NPDC1: variants seen among roughly 807,000 people sequenced by gnomAD.
The protein encoded by NPDC1 is neural proliferation, differentiation and control 1, also known as neural proliferation differentiation and control protein 1.
A neutral mutation model predicts 32.5 loss-of-function variants in NPDC1; 18 were observed. That is an observed-to-expected ratio of 0.55 (90% CI 0.38 to 0.82). The LOEUF is 0.82. NPDC1 is among the 40% of genes least tolerant of loss of function. The pLI, the probability that NPDC1 is intolerant of heterozygous loss-of-function variation, is 0.00. For missense variants in NPDC1, 468 were observed against 406.6 expected (o/e 1.15, Z -1.30); for synonymous variants, 210 against 184.7 (o/e 1.14, Z -1.11).
Position 137,043,081 on chromosome 9 carries a change from G to A in NPDC1, c.113-8C>T, listed in dbSNP as rs1588549066. On this transcript the variant is annotated splice_polypyrimidine_tract_variant and splice_region_variant and intron_variant, in intron 1 of 8. Coordinates refer to ENST00000371601, the MANE Select transcript of NPDC1 (RefSeq NM_015392.4). Reference sequence around the variant, plus strand: ...CGGGACAGGCGGCTACATCTGGGAAGGAAGCAGAAGGCAGGGCCGGCTCAC... The same window carrying A: ...CGGGACAGGCGGCTACATCTGGGAAAGAAGCAGAAGGCAGGGCCGGCTCAC... 1 of 1,612,258 alleles carries A rather than the reference G, an allele frequency of 6.2e-7. No individual in the cohort carries two copies. Among genetic ancestry groups the A allele is most frequent in the Non-Finnish European group, 8.5e-7 (1 of 1,179,688 alleles).
At chr9:137,041,400 GC>G (rs1431742610) in intron 2 of NPDC1, among the ~76,000 whole-genome samples, 1 of 152,198 alleles carries the variant, frequency 6.6e-6, no homozygotes, top group Non-Finnish European at 1.5e-5. Context: ...AAGGGAGGAG[GC>G]GCTAGGGAAA....
In NPDC1 at chr9:137,041,158, C is replaced by A. The variant is rs945113603; in HGVS notation, c.289G>T (p.Asp97Tyr). The part of the protein sequence containing the change: ...GGGRPQPRLE[D>Y]EIDFLAQELA... ...TCCTGGGCCAGGAAGTCAATCTCAT[C>A]TTCCAGTCTGGGCTGGGGCCGGCCC... Residue 97 changes from aspartate (D) to tyrosine (Y), a missense_variant, in exon 3 of 9, where the codon GAT becomes TAT. Asp to Tyr is a radical substitution (Grantham distance 160). Coordinates refer to ENST00000371601, the MANE Select transcript of NPDC1 (RefSeq NM_015392.4). The A allele has an allele frequency of 6.7e-7, 1 of 1,483,312 alleles. No individual in the cohort carries two copies. Among genetic ancestry groups the A allele is most frequent in the Non-Finnish European group, 9.0e-7 (1 of 1,116,162 alleles). 91.9% of individuals were successfully genotyped at this position (1,483,312 alleles called of 1,614,324 possible). A position where few individuals can be genotyped will look rare whatever the true frequency, so the allele number is the denominator to read the frequency against.
At chr9:137,045,743 C>T (rs1588550432) in intron 1 of NPDC1, 135 bp downstream of exon 1, 22 of 462,172 alleles carry the variant, frequency 4.8e-5, no homozygotes, top group Admixed American at 6.4e-5. Context: ...GCGGGGCCCC[C>T]GCCACCAGCG....
Position 137,040,569 on chromosome 9 carries a change from T to G in NPDC1, c.653A>C (p.Lys218Thr), listed in dbSNP as rs981559858. The change falls in exon 6 of 9, where the codon AAG becomes ACG. Residue 218 changes from lysine to threonine, a missense_variant. Physicochemically the swap from Lys to Thr is moderately conservative, Grantham distance 78. Coordinates refer to ENST00000371601, the MANE Select transcript of NPDC1 (RefSeq NM_015392.4). Reference protein sequence around the residue: ...RLQREIRLTQKADYATAKAPG... With the variant: ...RLQREIRLTQTADYATAKAPG... The stretch of plus-strand genomic sequence containing the variant: ...GGCCTTCGCAGTGGCGTAGTCGGCC[T>G]TCTGAGTCAGGCGGATCTCACGCTG... The G allele has an allele frequency of 6.3e-7, 1 of 1,581,948 alleles. No homozygotes were observed. The highest frequency in any genetic ancestry group is 8.5e-7 in the Non-Finnish European group (1 of 1,169,930).
intron 1 of NPDC1, among the ~76,000 whole-genome samples, chr9:137,044,823 C>T (rs1832107314): frequency 1.3e-5 from 2 of 152,238 alleles, no homozygotes; most frequent in African/African-American, 4.8e-5. Context: ...TGGCTGAGCA[C>T]ACTCTGATTC....
chr9:137,043,076 G>A lies in NPDC1; in HGVS notation c.113-3C>T, dbSNP rs899578323. 4.3e-6 allele frequency: 7 copies of A among 1,612,262 alleles called. No individual in the cohort carries two copies. Among genetic ancestry groups the A allele is most frequent in the Non-Finnish European group, 5.9e-6 (7 of 1,179,734 alleles). Reference sequence around the variant, plus strand: ...GCTCCCGGGACAGGCGGCTACATCTGGGAAGGAAGCAGAAGGCAGGGCCGG... The same window carrying A: ...GCTCCCGGGACAGGCGGCTACATCTAGGAAGGAAGCAGAAGGCAGGGCCGG... On this transcript the variant is annotated splice_polypyrimidine_tract_variant and splice_region_variant and intron_variant, in intron 1 of 8. Transcript: ENST00000371601.
In NPDC1 at chr9:137,039,720, TCCCCGGGGG is replaced by T. The variant is rs982275561; in HGVS notation, c.*43_*51del. On this transcript the variant is annotated 3_prime_UTR_variant, in exon 9 of 9. Transcript: ENST00000371601. ...AGTGGGAAGCTCCAGGCCCTGCCCC[TCCCCGGGGG>T]CCTCGAGGTCGGGGAGCAGGTGGGC... 1.6e-4 allele frequency: 113 copies of T among 706,774 alleles called. No homozygotes were observed. The African/African-American group carries it at 1.8e-3, about 11-fold the overall frequency. 43.8% of individuals were successfully genotyped at this position (706,774 alleles called of 1,614,324 possible).
At position 137,039,846 on chromosome 9, in the gene NPDC1, G is replaced by A. The variant is rs140247910; in HGVS notation, c.904C>T (p.Arg302Cys). 1,136 of 779,324 alleles carry A rather than the reference G, an allele frequency of 1.5e-3. 1 individual carries two copies. The highest frequency in any genetic ancestry group is 2.2e-3 in the Non-Finnish European group (923 of 417,960). The allele number at this position is 779,324 out of a possible 1,614,324, so 48.3% of individuals were successfully genotyped here. A position where few individuals can be genotyped will look rare whatever the true frequency, so the allele number is the denominator to read the frequency against. ...GCGGCGTGGTCGAACAGAGGGTTGC[G>A]CACCTCCATTTCCCCGGTCTGCGAA... ...GLAPTGEMEV[R>C]NPLFDHAALS... The change falls in exon 9 of 9, where the codon CGC (arginine) becomes TGC (cysteine). Residue 302 changes from arginine to cysteine, a missense_variant. By Grantham distance (180) the Arg-to-Cys change is radical. Transcript: ENST00000371601.
Position 137,040,745 on chromosome 9 carries a change from AG to A in NPDC1, c.557-9del. 6.3e-7 allele frequency: 1 copy of A among 1,588,370 alleles called. No homozygotes were observed. Among genetic ancestry groups the A allele is most frequent in the Non-Finnish European group, 8.5e-7 (1 of 1,172,860 alleles). On this transcript the variant is annotated splice_polypyrimidine_tract_variant and intron_variant, in intron 4 of 8. Transcript: ENST00000371601. ...AGAACGCCAGGATCAGCACTGCAGGAGGGGGCGTGTGAGGGCGGCCTTCTGC... is the reference window on the plus strand; with the variant it reads ...AGAACGCCAGGATCAGCACTGCAGGAGGGGCGTGTGAGGGCGGCCTTCTGC...
Position 137,046,035 on chromosome 9 carries a change from G to T in NPDC1, c.-46C>A. The T allele has an allele frequency of 8.5e-7, 1 of 1,173,212 alleles. No individual in the cohort carries two copies. Among genetic ancestry groups the T allele is most frequent in the Non-Finnish European group, 1.1e-6 (1 of 949,780 alleles). 72.7% of individuals were successfully genotyped at this position (1,173,212 alleles called of 1,614,324 possible). A position where few individuals can be genotyped will look rare whatever the true frequency, so the allele number is the denominator to read the frequency against. On this transcript the variant is annotated 5_prime_UTR_variant, in exon 1 of 9. Transcript: ENST00000371601. Reference sequence around the variant, plus strand: ...GCAGCATGGCACCGCGAGGCCAGGGGCTCGGCGCGGGCTCCGGGCTCCGCG... The same window carrying T: ...GCAGCATGGCACCGCGAGGCCAGGGTCTCGGCGCGGGCTCCGGGCTCCGCG...
At chr9:137,040,465 T>A in intron 6 of NPDC1, 29 bp from the exon 7 acceptor site, 1 of 1,566,734 alleles carries the variant, frequency 6.4e-7, no homozygotes, top group Non-Finnish European at 8.6e-7. Context: ...GAGGGTCAGT[T>A]GGCGGCCAGA....
intron 4 of NPDC1, 25 bp downstream of exon 4, chr9:137,040,789 C>T (rs1173087408): frequency 6.3e-7 from 1 of 1,585,380 alleles, no homozygotes; most frequent in Non-Finnish European, 8.5e-7. Context: ...CCTGCTGCCC[C>T]TGCCCACCCC....
Position 137,040,422 on chromosome 9 carries a change from C to A in NPDC1, c.723G>T (p.Arg241=). ...AAPRISPGDQ[R]LAQSAEMYHY... Reference sequence around the variant, plus strand: ...GGTACATCTCCGCGCTCTGTGCCAGCCGCTGGTCCCCAGGCTGTGGGAAGG... The same window carrying A: ...GGTACATCTCCGCGCTCTGTGCCAGACGCTGGTCCCCAGGCTGTGGGAAGG... Residue 241 remains arginine, a synonymous_variant, in exon 7 of 9, where the codon CGG becomes CGT. Transcript: ENST00000371601. The A allele has an allele frequency of 6.4e-7, 1 of 1,551,616 alleles. No homozygotes were observed. Among genetic ancestry groups the A allele is most frequent in the Non-Finnish European group, 8.7e-7 (1 of 1,148,612 alleles).
At chr9:137,041,358 G>A (rs149197584) in intron 2 of NPDC1, among the ~76,000 whole-genome samples, 171 bp from the exon 3 acceptor site, 1 of 152,188 alleles carries the variant, frequency 6.6e-6, no homozygotes, top group Non-Finnish European at 1.5e-5. Context: ...TTCCTGTGAG[G>A]GGCAGTGCTT....
Position 137,040,924 on chromosome 9 carries a change from C to G in NPDC1, c.446G>C (p.Gly149Ala). Residue 149 changes from glycine (G) to alanine (A), a missense_variant, in exon 4 of 9, where the codon GGA becomes GCA. Transcript: ENST00000371601. ...GGTGTGGGGCGTGGGCGTGGGGGTTCCTGGAGTGGAGGGGAGGCCCAGCTC... is the reference window on the plus strand; with the variant it reads ...GGTGTGGGGCGTGGGCGTGGGGGTTGCTGGAGTGGAGGGGAGGCCCAGCTC... ...GLELGLPSTP[G>A]TPTPTPHTSL... 1 of 1,565,028 alleles carries G rather than the reference C, an allele frequency of 6.4e-7. No individual in the cohort carries two copies. Among genetic ancestry groups the G allele is most frequent in the Non-Finnish European group, 8.6e-7 (1 of 1,158,502 alleles).
chr9:137,040,750 G>A lies in NPDC1; in HGVS notation c.557-13C>T, dbSNP rs1269284350. On this transcript the variant is annotated splice_polypyrimidine_tract_variant and intron_variant, in intron 4 of 8. Coordinates refer to ENST00000371601, the MANE Select transcript of NPDC1 (RefSeq NM_015392.4). Reference sequence around the variant, plus strand: ...GCCAGGATCAGCACTGCAGGAGGGGGCGTGTGAGGGCGGCCTTCTGCAGGG... The same window carrying A: ...GCCAGGATCAGCACTGCAGGAGGGGACGTGTGAGGGCGGCCTTCTGCAGGG... The A allele has an allele frequency of 6.3e-7, 1 of 1,586,488 alleles. No homozygotes were observed. The highest frequency in any genetic ancestry group is 8.5e-7 in the Non-Finnish European group (1 of 1,172,082).
chr9:137,042,289 T>C (rs1034217645), intron 2 of NPDC1, among the ~76,000 whole-genome samples: 3 of 152,078 alleles, frequency 2.0e-5, no homozygotes, highest in Admixed American at 2.0e-4. Context: ...AGTCTCGCTC[T>C]GCCGCCCAGG....
rs1303450057 is a variant in NPDC1, at chr9:137,042,840, G to A, written c.259+87C>T. On this transcript the variant is annotated intron_variant, in intron 2 of 8. Coordinates refer to ENST00000371601, the MANE Select transcript of NPDC1 (RefSeq NM_015392.4). ...CCCACAGTGCTGGGATTACAGGCAT[G>A]AGCCACCGCGCCCAGCCGGCCGCTT... is the stretch of plus-strand genomic sequence containing the variant. The A allele has an allele frequency of 1.3e-5, 20 of 1,489,692 alleles. No individual in the cohort carries two copies. The South Asian group carries it at 2.2e-4, about 17-fold the overall frequency. The allele number at this position is 1,489,692 out of a possible 1,614,324, so 92.3% of individuals were successfully genotyped here. A position where few individuals can be genotyped will look rare whatever the true frequency, so the allele number is the denominator to read the frequency against.
In NPDC1 at chr9:137,045,752, C is replaced by T. The variant is rs1832121405; in HGVS notation, c.112+126G>A. On this transcript the variant is annotated intron_variant, in intron 1 of 8. Coordinates refer to ENST00000371601, the MANE Select transcript of NPDC1 (RefSeq NM_015392.4). ...GGCGAGGCGGGGCCCCCGCCACCAG[C>T]GGACCAGGCCTGCAGGGCCTGCGGG... 6 of 506,142 alleles carry T rather than the reference C, an allele frequency of 1.2e-5. No individual in the cohort carries two copies. The South Asian group carries it at 4.2e-4, about 35-fold the overall frequency. 31.4% of individuals were successfully genotyped at this position (506,142 alleles called of 1,614,324 possible). A position where few individuals can be genotyped will look rare whatever the true frequency, so the allele number is the denominator to read the frequency against.
Sources: allele counts gnomAD v4.1 joint callset (sites outside exome capture counted in the v4.1 genomes callset), GRCh38; gene constraint gnomAD v4.1.1; transcripts MANE v1.5; gene names NCBI Gene and HGNC (gene_info 2026-07-23, HGNC 2026-07-21).